CTNND2: variants seen among roughly 807,000 people sequenced by gnomAD.
CTNND2 encodes the protein catenin delta-2.
In CTNND2, 22 loss-of-function variants were observed where a neutral mutation model predicts 144.4. That is an observed-to-expected ratio of 0.15 (90% CI 0.11 to 0.22). CTNND2 has a LOEUF of 0.22. Ranked by LOEUF, CTNND2 falls within the 10% of genes least tolerant of loss-of-function variation. The pLI is 1.00. For missense variants in CTNND2, 1,353 were observed against 1,618.8 expected (o/e 0.84, Z 2.82); for synonymous variants, 751 against 695.6 (o/e 1.08, Z -1.25).
intron 3 of CTNND2, among the ~76,000 whole-genome samples, chr5:11,486,372 T>C (rs1768831330): frequency 6.6e-6 from 1 of 152,216 alleles, no homozygotes; most frequent in African/African-American, 2.4e-5. Flanking sequence ...TAGGTGATAA[T>C]ATCCAGTGCT....
chr5:11,733,992 C>G (rs1787538601), intron 1 of CTNND2, among the ~76,000 whole-genome samples: 1 of 152,052 alleles, frequency 6.6e-6, no homozygotes, highest in Admixed American at 6.6e-5. Context: ...GTGGAGCCCT[C>G]ATAAATAGGA....
intron 1 of CTNND2, among the ~76,000 whole-genome samples, chr5:11,822,505 A>G (rs1447709815): frequency 6.6e-6 from 1 of 152,096 alleles, no homozygotes; most frequent in Non-Finnish European, 1.5e-5. Context: ...AACAGTCCCA[A>G]ATAATTTCCG....
chr5:11,083,811 C>T (rs1472733916), intron 15 of CTNND2: 1 of 835,780 alleles, frequency 1.2e-6, no homozygotes, highest in Non-Finnish European at 1.5e-6. Context: ...CTTTCCCACC[C>T]AGTCCCCCCA....
At chr5:11,161,294 A>G (rs1758747465) in intron 11 of CTNND2, among the ~76,000 whole-genome samples, 1 of 152,202 alleles carries the variant, frequency 6.6e-6, no homozygotes, top group African/African-American at 2.4e-5. Flanking sequence ...ATTTTGTCCA[A>G]CTGTGCTTTA....
intron 3 of CTNND2, among the ~76,000 whole-genome samples, chr5:11,526,132 C>A (rs1007989712): frequency 1.3e-5 from 2 of 152,098 alleles, no homozygotes; most frequent in African/African-American, 4.8e-5. Context: ...GAACTCCTGG[C>A]CCTAAGTGAT....
At chr5:11,709,148 A>C (rs957959153) in intron 2 of CTNND2, among the ~76,000 whole-genome samples, 1 of 152,344 alleles carries the variant, frequency 6.6e-6, no homozygotes, top group African/African-American at 2.4e-5. Context: ...TTTATGTGTC[A>C]GAGCTATGCC....
At chr5:11,886,206 A>G (rs1454294023) in intron 1 of CTNND2, among the ~76,000 whole-genome samples, 1 of 152,024 alleles carries the variant, frequency 6.6e-6, no homozygotes, top group African/African-American at 2.4e-5. Flanking sequence ...AATATAAAAT[A>G]TCAATGAAAC....
intron 2 of CTNND2, among the ~76,000 whole-genome samples, chr5:11,710,887 G>A (rs990957501): frequency 4.6e-5 from 7 of 152,116 alleles, no homozygotes; most frequent in Non-Finnish European, 1.5e-5. Context: ...AAAATACCAT[G>A]CAATCTGATC....
At chr5:11,705,207 C>T (rs954551821) in intron 2 of CTNND2, among the ~76,000 whole-genome samples, 6 of 152,156 alleles carry the variant, frequency 3.9e-5, no homozygotes, top group African/African-American at 1.4e-4. Flanking sequence ...GGATGATCAG[C>T]TTCTCTGCCC....
rs537614614 is a variant in CTNND2, at chr5:10,971,958, C to A, written c.*1495G>T. On this transcript the variant is annotated 3_prime_UTR_variant, in exon 22 of 22. Coordinates refer to ENST00000304623, the MANE Select transcript of CTNND2 (RefSeq NM_001332.4). The stretch of plus-strand genomic sequence containing the variant: ...GTTTACCCGCGGCCCATGTTCTTTT[C>A]GATGGTTAGCCTTATTTCTTAGCTC... The A allele has an allele frequency of 3.3e-5, 5 of 152,726 alleles. No individual in the cohort carries two copies. The South Asian group carries it at 8.3e-4, about 25-fold the overall frequency. The allele number at this position is 152,726 out of a possible 1,614,324, so 9.5% of individuals were successfully genotyped here.
intron 11 of CTNND2, among the ~76,000 whole-genome samples, chr5:11,194,464 G>A (rs899902602): frequency 1.3e-5 from 2 of 152,086 alleles, no homozygotes; most frequent in Admixed American, 6.6e-5. Context: ...AAGGTACTGA[G>A]GATATTTGGG....
In CTNND2 at chr5:11,754,723, G is replaced by T. The variant is rs112624701; in HGVS notation, c.38-22451C>A. On this transcript the variant is annotated intron_variant, in intron 1 of 21. Transcript: ENST00000304623. ...CCAATATGTGATGCCCTTTTTGTCT[G>T]TTTTGATTGTTGTTGGTTTAAAGTC... 1.7e-3 allele frequency among the ~76,000 whole-genome samples: 259 copies of T among 151,640 alleles called. 1 individual carries two copies. The highest frequency in any genetic ancestry group is 6.0e-3 in the African/African-American group (247 of 41,444).
intron 2 of CTNND2, among the ~76,000 whole-genome samples, chr5:11,629,038 G>A (rs928830762): frequency 6.6e-6 from 1 of 152,166 alleles, no homozygotes; most frequent in Non-Finnish European, 1.5e-5. Flanking sequence ...AATTGGGAGT[G>A]CTATGAGGCT....
chr5:11,903,916 C>T lies in CTNND2; in HGVS notation c.-63G>A. The T allele has an allele frequency of 1.4e-6, 2 of 1,393,676 alleles. No individual in the cohort carries two copies. Among genetic ancestry groups the T allele is most frequent in the Non-Finnish European group, 1.9e-6 (2 of 1,080,578 alleles). The allele number at this position is 1,393,676 out of a possible 1,614,324, so 86.3% of individuals were successfully genotyped here. On this transcript the variant is annotated 5_prime_UTR_variant, in exon 1 of 22. It removes the in-frame stop codon of an upstream open reading frame in the 5' UTR. Coordinates refer to ENST00000304623, the MANE Select transcript of CTNND2 (RefSeq NM_001332.4). The surrounding 1 kb of genome is among the most constrained non-coding windows in gnomAD (Gnocchi z 5.4). ...AGGCGTGCGCGGCGCCGCCCGGCTT[C>T]AGGGCAAGGTCCTGACCTTGCCCAA...
At chr5:11,431,715 T>C (rs1365805201) in intron 3 of CTNND2, among the ~76,000 whole-genome samples, 1 of 152,132 alleles carries the variant, frequency 6.6e-6, no homozygotes, top group Non-Finnish European at 1.5e-5. Context: ...CTCTGAGCCC[T>C]GCCCCTACAG....
At chr5:11,168,225 GT>G (rs892768773) in intron 11 of CTNND2, among the ~76,000 whole-genome samples, 3 of 152,086 alleles carry the variant, frequency 2.0e-5, no homozygotes, top group Admixed American at 2.0e-4. Context: ...TCTATTAGAT[GT>G]TTACCAAAAA....
At chr5:11,194,972 A>G (rs1027680800) in intron 11 of CTNND2, among the ~76,000 whole-genome samples, 1 of 152,232 alleles carries the variant, frequency 6.6e-6, no homozygotes, top group African/African-American at 2.4e-5. Flanking sequence ...CTTTCAGAAC[A>G]TATGATAAAA....
intron 18 of CTNND2, among the ~76,000 whole-genome samples, chr5:11,002,997 T>C (rs1197523898): frequency 6.6e-6 from 1 of 152,226 alleles, no homozygotes; most frequent in Non-Finnish European, 1.5e-5. Flanking sequence ...TGTTGGCCTA[T>C]GTATGGCCTT....
chr5:11,593,287 G>A (rs938029997), intron 2 of CTNND2, among the ~76,000 whole-genome samples: 20 of 152,244 alleles, frequency 1.3e-4, no homozygotes, highest in South Asian at 1.2e-3. Flanking sequence ...TACACTAATG[G>A]GAGAAGATAT....
Sources: allele counts gnomAD v4.1 joint callset (sites outside exome capture counted in the v4.1 genomes callset), GRCh38; gene constraint gnomAD v4.1.1; non-coding constraint Gnocchi (gnomAD v3.1); transcripts MANE v1.5; gene names NCBI Gene and HGNC (gene_info 2026-07-23, HGNC 2026-07-21).